The following ATXN10 variants were observed in gnomAD, a reference collection of about 807,000 sequenced individuals.
The protein encoded by ATXN10 is ataxin-10.
In ATXN10, 28 loss-of-function variants were observed where a neutral mutation model predicts 52.9. That is an observed-to-expected ratio of 0.53 (90% CI 0.39 to 0.73). ATXN10 has a LOEUF of 0.73. Ranked by LOEUF, ATXN10 falls within the 30% of genes least tolerant of loss-of-function variation. The pLI, the probability that ATXN10 is intolerant of heterozygous loss-of-function variation, is 0.00. For synonymous variants in ATXN10, 226 were observed against 221.5 expected (o/e 1.02, Z -0.18); for missense variants, 565 against 577.0 (o/e 0.98, Z 0.21).
chr22:45,810,167 A>G (rs1928234740), intron 10 of ATXN10, among the ~76,000 whole-genome samples: 1 of 152,222 alleles, frequency 6.6e-6, no homozygotes, highest in African/African-American at 2.4e-5. Context: ...CTAGTTACTG[A>G]AAAGAACATG....
intron 9 of ATXN10, among the ~76,000 whole-genome samples, chr22:45,742,158 A>G (rs778588071): frequency 2.6e-5 from 4 of 152,146 alleles, no homozygotes; most frequent in Non-Finnish European, 5.9e-5. Flanking sequence ...AGTCCAACTT[A>G]CACTGTAGAT....
At chr22:45,702,635 G>A in intron 4 of ATXN10, 54 bp from the exon 5 acceptor site, 1 of 1,564,824 alleles carries the variant, frequency 6.4e-7, no homozygotes, top group South Asian at 1.1e-5. Context: ...TGTTATTTTT[G>A]TGTTTTATCA....
At chr22:45,827,271 CAT>C (rs1209424890) in intron 10 of ATXN10, among the ~76,000 whole-genome samples, 5 of 151,858 alleles carry the variant, frequency 3.3e-5, no homozygotes, top group East Asian at 3.9e-4. Flanking sequence ...AGTTATAAGA[CAT>C]ATGGGAAACA....
intron 7 of ATXN10, among the ~76,000 whole-genome samples, chr22:45,736,201 C>T (rs1297179819): frequency 6.6e-6 from 1 of 152,000 alleles, no homozygotes; most frequent in Non-Finnish European, 1.5e-5. Flanking sequence ...CTCCATATGC[C>T]ATCCCCTGGC....
intron 3 of ATXN10, among the ~76,000 whole-genome samples, chr22:45,695,157 T>C (rs1227444849): frequency 1.3e-5 from 2 of 151,352 alleles, no homozygotes; most frequent in African/African-American, 4.9e-5. Context: ...ACCCCGTCTC[T>C]AGTAAAAATA....
chr22:45,710,224 T>C (rs973857667), intron 5 of ATXN10, among the ~76,000 whole-genome samples: 2 of 152,216 alleles, frequency 1.3e-5, no homozygotes, highest in Non-Finnish European at 2.9e-5. Flanking sequence ...TATTTCTTAC[T>C]ACTTTTACTC....
Position 45,824,972 on chromosome 22 carries a change from A to G in ATXN10, c.1237+17950A>G, listed in dbSNP as rs1442265899. ...ACTGAAGTCTTGCAATGTCCACAAG[A>G]AGGCTTGAATGGTAAAGTGGAGTTA... is the stretch of plus-strand genomic sequence containing the variant. On this transcript the variant is annotated intron_variant, in intron 10 of 11. Transcript: ENST00000252934. This position sits in a 1 kb window ranked among gnomAD's most constrained non-coding sequence, Gnocchi z 5.2. Among the ~76,000 whole-genome samples the G allele has an allele frequency of 6.6e-6, 1 of 152,212 alleles. No homozygotes were observed. The highest frequency in any genetic ancestry group is 1.5e-5 in the Non-Finnish European group (1 of 68,028).
At chr22:45,710,986 T>G (rs1924225392) in intron 5 of ATXN10, among the ~76,000 whole-genome samples, 1 of 152,186 alleles carries the variant, frequency 6.6e-6, no homozygotes, top group African/African-American at 2.4e-5. Context: ...AGGGTCTGTA[T>G]CGTTGTTCTC....
chr22:45,778,153 A>C (rs993408587), intron 9 of ATXN10, among the ~76,000 whole-genome samples: 2 of 152,234 alleles, frequency 1.3e-5, no homozygotes, highest in African/African-American at 4.8e-5. Flanking sequence ...GACTTAATGC[A>C]ATAAAAAACT....
At chr22:45,694,261 A>G (rs956021139) in intron 3 of ATXN10, among the ~76,000 whole-genome samples, 6 of 152,168 alleles carry the variant, frequency 3.9e-5, no homozygotes, top group African/African-American at 1.4e-4. Context: ...TTATCTTAAC[A>G]TAATGTTTAA....
At chr22:45,741,112 TTC>T (rs1925517965) in intron 9 of ATXN10, among the ~76,000 whole-genome samples, 1 of 152,172 alleles carries the variant, frequency 6.6e-6, no homozygotes, top group Admixed American at 6.5e-5. Flanking sequence ...GATCTCGCCT[TTC>T]TGTATTTTTC....
rs1350458437 is a variant in ATXN10 at position 45,683,959 on chromosome 22, A to T, written c.117-5753A>T. ...TTCTCTTTCATTTTCTTCTCTTTTC[A>T]TGTTTTCTTAGAGACAAGGTCTCGC... On this transcript the variant is annotated intron_variant, in intron 1 of 11. Coordinates refer to ENST00000252934, the MANE Select transcript of ATXN10 (RefSeq NM_013236.4). The surrounding 1 kb of genome is among the most constrained non-coding windows in gnomAD (Gnocchi z 4.8). Among the ~76,000 whole-genome samples the T allele has an allele frequency of 6.6e-6, 1 of 151,038 alleles. No homozygotes were observed. Among genetic ancestry groups the T allele is most frequent in the East Asian group, 1.9e-4 (1 of 5,146 alleles).
intron 5 of ATXN10, among the ~76,000 whole-genome samples, chr22:45,709,341 C>T (rs1378697327): frequency 6.6e-6 from 1 of 152,096 alleles, no homozygotes; most frequent in African/African-American, 2.4e-5. Context: ...AGTCATGATT[C>T]TTCTGAATCT....
At chr22:45,692,867 GATA>G (rs956469668) in intron 2 of ATXN10, 126 bp from the exon 3 acceptor site, 2 of 776,358 alleles carry the variant, frequency 2.6e-6, no homozygotes, top group African/African-American at 3.5e-5. Flanking sequence ...TAAAGAGCCA[GATA>G]ATAAATAATT....
At chr22:45,726,655 T>A (rs561475407) in intron 6 of ATXN10, among the ~76,000 whole-genome samples, 1 of 152,312 alleles carries the variant, frequency 6.6e-6, no homozygotes, top group African/African-American at 2.4e-5. Flanking sequence ...TCTGCTCTGA[T>A]CTTTGTTATT....
rs554842648 is a variant in ATXN10 at position 45,692,564 on chromosome 22, C to G, written c.309-432C>G. 1.6e-4 allele frequency among the ~76,000 whole-genome samples: 25 copies of G among 152,260 alleles called. No individual in the cohort carries two copies. In the Middle Eastern group the frequency reaches 0.01, roughly 62 times the overall value. The stretch of plus-strand genomic sequence containing the variant: ...TTAACTAAGGCCAGTATTTCTGAGC[C>G]AGTCAAGATTCAGATTGCAACTAGT... On this transcript the variant is annotated intron_variant, in intron 2 of 11. Coordinates refer to ENST00000252934, the MANE Select transcript of ATXN10 (RefSeq NM_013236.4).
In ATXN10 at chr22:45,810,180, T is replaced by C. The variant is rs73889626; in HGVS notation, c.1237+3158T>C. Reference sequence around the variant, plus strand: ...CCCTAGTTACTGAAAAGAACATGTGTTTGTTCACTGTAGCGCCACCTTTAT... The same window carrying C: ...CCCTAGTTACTGAAAAGAACATGTGCTTGTTCACTGTAGCGCCACCTTTAT... On this transcript the variant is annotated intron_variant, in intron 10 of 11. Coordinates refer to ENST00000252934, the MANE Select transcript of ATXN10 (RefSeq NM_013236.4). 4.4e-3 allele frequency among the ~76,000 whole-genome samples: 677 copies of C among 152,324 alleles called. 7 individuals are homozygous for C. The highest frequency in any genetic ancestry group is 0.016 in the African/African-American group (649 of 41,560).
At chr22:45,719,732 G>A (rs1924578625) in intron 6 of ATXN10, among the ~76,000 whole-genome samples, 2 of 152,154 alleles carry the variant, frequency 1.3e-5, no homozygotes, top group African/African-American at 4.8e-5. Flanking sequence ...TATTGATAAA[G>A]TTGTATCAGG....
At chr22:45,829,270 C>T (rs1292162304) in intron 10 of ATXN10, among the ~76,000 whole-genome samples, 1 of 152,120 alleles carries the variant, frequency 6.6e-6, no homozygotes, top group East Asian at 1.9e-4. Flanking sequence ...AAATCAACAG[C>T]AAACATAACT....
Sources: allele counts gnomAD v4.1 joint callset (sites outside exome capture counted in the v4.1 genomes callset), GRCh38; gene constraint gnomAD v4.1.1; non-coding constraint Gnocchi (gnomAD v3.1); transcripts MANE v1.5; gene names NCBI Gene and HGNC (gene_info 2026-07-23, HGNC 2026-07-21).